Variants in KIAA1755 observed in about 807,000 individuals in gnomAD.
KIAA1755 encodes the protein KIAA1755, also known as uncharacterized protein KIAA1755.
Under a neutral mutation model 91.7 loss-of-function variants are expected in KIAA1755, and 68 were observed. The ratio of observed to expected loss-of-function variants is 0.74; its 90% confidence interval spans 0.61 to 0.91. KIAA1755 has a LOEUF of 0.91. Among genes scored for constraint, KIAA1755 ranks in the 40% least tolerant of loss-of-function variants. The pLI, the probability that KIAA1755 is intolerant of heterozygous loss-of-function variation, is 0.00. For missense variants in KIAA1755, 1,535 were observed against 1,494.4 expected (o/e 1.03, Z -0.45); for synonymous variants, 610 against 604.6 (o/e 1.01, Z -0.13).
chr20:38,255,786 G>C (rs149978038), intron 1 of KIAA1755, among the ~76,000 whole-genome samples: 1,654 of 152,264 alleles, frequency 0.011, 36 homozygotes, highest in African/African-American at 0.038. Flanking sequence ...GCAAGTGGCT[G>C]TCAGAAGACC....
intron 1 of KIAA1755, among the ~76,000 whole-genome samples, chr20:38,252,925 G>A (rs1001677122): frequency 7.2e-5 from 11 of 152,160 alleles, no homozygotes; most frequent in African/African-American, 2.2e-4. Context: ...AGGAAGGAAC[G>A]CTAGCCACTC....
intron 1 of KIAA1755, among the ~76,000 whole-genome samples, chr20:38,252,564 C>T (rs1379489530): frequency 6.6e-6 from 1 of 152,190 alleles, no homozygotes; most frequent in Non-Finnish European, 1.5e-5. Context: ...CCCAGATCTT[C>T]CCCTGTTTCC....
intron 1 of KIAA1755, chr20:38,260,061 C>T (rs935840208): frequency 2.0e-6 from 1 of 493,864 alleles, no homozygotes; most frequent in East Asian, 8.1e-5. Context: ...CCTCCTCGCC[C>T]TGCACTGCCT....
At position 38,219,768 on chromosome 20, in the gene KIAA1755, C is replaced by A. The variant is rs377555001; in HGVS notation, c.2418G>T (p.Arg806Ser). 3 of 1,614,104 alleles carry A rather than the reference C, an allele frequency of 1.9e-6. No homozygotes were observed. Among genetic ancestry groups the A allele is most frequent in the Non-Finnish European group, 2.5e-6 (3 of 1,180,008 alleles). The part of the protein sequence containing the change: ...ASRLDFSPDV[R>S]SHLAAATALY... ...AGGCAGTGGCTGCAGCCAGATGGCTCCTGGGAGGTGGGCGGAGGTGAGAAA... is the reference window on the plus strand; with the variant it reads ...AGGCAGTGGCTGCAGCCAGATGGCTACTGGGAGGTGGGCGGAGGTGAGAAA... The change falls in exon 11 of 14, where the codon AGG (arginine) becomes AGT (serine). Residue 806 changes from arginine (R) to serine (S), a missense_variant and splice_region_variant. Arg to Ser is a moderately radical substitution (Grantham distance 110). Coordinates refer to ENST00000279024, the MANE Select transcript of KIAA1755 (RefSeq NM_001029864.2).
In KIAA1755 at chr20:38,218,262, G is replaced by A; in HGVS notation, c.2661C>T (p.Asn887=). The change falls in exon 12 of 14, where the codon AAC becomes AAT. Residue 887 remains asparagine (N), a synonymous_variant. Transcript: ENST00000279024. The part of the protein sequence containing the change: ...TVEKAHAEFE[N]FFLQAAAQYR... ...AACGCACTGCAGCCTGGAGGAAGAAGTTCTCAAATTCTGCGTGGGCTTTCT... is the reference window on the plus strand; with the variant it reads ...AACGCACTGCAGCCTGGAGGAAGAAATTCTCAAATTCTGCGTGGGCTTTCT... 3 of 1,614,220 alleles carry A rather than the reference G, an allele frequency of 1.9e-6. No homozygotes were observed. In the South Asian group the frequency reaches 3.3e-5, roughly 18 times the overall value.
At chr20:38,256,309 T>C (rs1351525573) in intron 1 of KIAA1755, among the ~76,000 whole-genome samples, 1 of 152,174 alleles carries the variant, frequency 6.6e-6, no homozygotes, top group Non-Finnish European at 1.5e-5. Flanking sequence ...CTGTGGCCCG[T>C]CAGTCAGCTC....
At chr20:38,215,661 C>A (rs1385518462) in intron 13 of KIAA1755, among the ~76,000 whole-genome samples, 1 of 152,178 alleles carries the variant, frequency 6.6e-6, no homozygotes, top group Admixed American at 6.5e-5. Flanking sequence ...GCTTCCCAGG[C>A]TGAGGGAACA....
In KIAA1755 at chr20:38,227,144, T is replaced by G; in HGVS notation, c.2052+10A>C. 2 of 1,608,890 alleles carry G rather than the reference T, an allele frequency of 1.2e-6. No individual in the cohort carries two copies. The highest frequency in any genetic ancestry group is 1.7e-6 in the Non-Finnish European group (2 of 1,176,126). On this transcript the variant is annotated intron_variant, in intron 7 of 13. Transcript: ENST00000279024. ...CCCTTCCTCAACCGCCGACCCTGAG[T>G]CCCCCTCACCTGGACGTCAGGTAAT... is the stretch of plus-strand genomic sequence containing the variant.
At chr20:38,223,471 C>T (rs1038073517) in intron 9 of KIAA1755, 67 bp downstream of exon 9, 76 of 1,118,690 alleles carry the variant, frequency 6.8e-5, no homozygotes, top group East Asian at 2.1e-4. Flanking sequence ...GTCCCCTTCT[C>T]GAAGCCCTTG....
intron 9 of KIAA1755, chr20:38,223,061 C>T: frequency 4.2e-6 from 1 of 238,164 alleles, no homozygotes; most frequent in Non-Finnish European, 8.4e-6. Flanking sequence ...ACACTGGCCT[C>T]CTTGCTACTC....
At chr20:38,240,107 C>T (rs376771178) in intron 3 of KIAA1755, among the ~76,000 whole-genome samples, 2 of 151,738 alleles carry the variant, frequency 1.3e-5, no homozygotes, top group Non-Finnish European at 2.9e-5. Flanking sequence ...TCCTTCCTTC[C>T]GTCTTCCTTC....
chr20:38,256,109 A>T (rs1428554069), intron 1 of KIAA1755, among the ~76,000 whole-genome samples: 1 of 152,246 alleles, frequency 6.6e-6, no homozygotes, highest in East Asian at 1.9e-4. Context: ...ACTAAATGGT[A>T]GCACTGGGGT....
chr20:38,241,586 G>A lies in KIAA1755; in HGVS notation c.545C>T (p.Thr182Ile), dbSNP rs776635204. The change falls in exon 3 of 14, where the codon ACC becomes ATC. Residue 182 changes from threonine to isoleucine, a missense_variant. Physicochemically the swap from Thr to Ile is moderately conservative, Grantham distance 89. Transcript: ENST00000279024. The stretch of plus-strand genomic sequence containing the variant: ...TCTGTCATCCACAAACTCTGGGCTG[G>A]TTATCTTGGTCCAAGGCACAGGGGC... The part of the protein sequence containing the change: ...GIAPVPWTKI[T>I]SPEFVDDRPQ... The A allele has an allele frequency of 5.6e-6, 9 of 1,614,236 alleles. No individual in the cohort carries two copies. Among genetic ancestry groups the A allele is most frequent in the Non-Finnish European group, 7.6e-6 (9 of 1,180,040 alleles).
At chr20:38,216,052 C>T (rs541016539) in intron 13 of KIAA1755, among the ~76,000 whole-genome samples, 56 of 152,172 alleles carry the variant, frequency 3.7e-4, no homozygotes, top group African/African-American at 1.3e-3. Flanking sequence ...CTCATAGGAT[C>T]GGGGCGACAA....
intron 11 of KIAA1755, 145 bp downstream of exon 11, chr20:38,219,485 G>C (rs774932664): frequency 3.6e-5 from 37 of 1,034,242 alleles, no homozygotes; most frequent in Non-Finnish European, 4.8e-5. Flanking sequence ...CCCCAAGGAT[G>C]CCTGCCTGGC....
chr20:38,256,704 G>A (rs1280212155), intron 1 of KIAA1755, among the ~76,000 whole-genome samples: 1 of 152,146 alleles, frequency 6.6e-6, no homozygotes, highest in Non-Finnish European at 1.5e-5. Context: ...TTGGGAGGCT[G>A]AGGTGGGAGG....
rs961639535 is a variant in KIAA1755, at chr20:38,246,242, C to T, written c.4-116G>A. ...GCCCCTGCTAATTCTCTGACCTCCTCTCCTACCCCACCCCCCTCACTCATC... is the reference window on the plus strand; with the variant it reads ...GCCCCTGCTAATTCTCTGACCTCCTTTCCTACCCCACCCCCCTCACTCATC... On this transcript the variant is annotated intron_variant, in intron 1 of 13. Coordinates refer to ENST00000279024, the MANE Select transcript of KIAA1755 (RefSeq NM_001029864.2). 7.5e-6 allele frequency: 6 copies of T among 802,730 alleles called. No homozygotes were observed. In the African/African-American group the frequency reaches 1.0e-4, roughly 14 times the overall value. 49.7% of individuals were successfully genotyped at this position (802,730 alleles called of 1,614,324 possible). A position where few individuals can be genotyped will look rare whatever the true frequency, so the allele number is the denominator to read the frequency against.
intron 1 of KIAA1755, among the ~76,000 whole-genome samples, chr20:38,257,660 G>A (rs1171802840): frequency 6.7e-6 from 1 of 149,764 alleles, no homozygotes; most frequent in Non-Finnish European, 1.5e-5. Context: ...GGAGAACATA[G>A]ATTGATGTGA....
chr20:38,226,255 T>A (rs1212651794), intron 7 of KIAA1755, among the ~76,000 whole-genome samples: 1 of 152,326 alleles, frequency 6.6e-6, no homozygotes, highest in African/African-American at 2.4e-5. Flanking sequence ...ATGGAAGAAC[T>A]AGGTGACTGC....
Sources: allele counts gnomAD v4.1 joint callset (sites outside exome capture counted in the v4.1 genomes callset), GRCh38; gene constraint gnomAD v4.1.1; transcripts MANE v1.5; gene names NCBI Gene and HGNC (gene_info 2026-07-23, HGNC 2026-07-21).